Variants in UBE2E2 observed in about 807,000 individuals in gnomAD.
UBE2E2 encodes the protein ubiquitin conjugating enzyme E2 E2.
UBE2E2 carries 6 observed loss-of-function variants against 24.7 expected under a neutral mutation model. The observed-to-expected ratio is 0.24, with a 90% CI of 0.13 to 0.48. The LOEUF is 0.48. UBE2E2 is among the 20% of genes least tolerant of loss of function. The pLI, the probability that UBE2E2 is intolerant of heterozygous loss-of-function variation, is 0.99. For missense variants in UBE2E2, 169 were observed against 245.0 expected (o/e 0.69, Z 2.07); for synonymous variants, 104 against 83.6 (o/e 1.24, Z -1.33).
intron 3 of UBE2E2, among the ~76,000 whole-genome samples, chr3:23,269,242 A>G (rs1361447273): frequency 6.6e-6 from 1 of 152,240 alleles, no homozygotes. Flanking sequence ...CAGCAAAAGA[A>G]ACTACCATCA....
At chr3:23,541,567 A>G (rs974831909) in intron 5 of UBE2E2, among the ~76,000 whole-genome samples, 4 of 152,212 alleles carry the variant, frequency 2.6e-5, no homozygotes, top group African/African-American at 9.6e-5. Flanking sequence ...GTTCCTGGAA[A>G]AAATTACAAA....
intron 3 of UBE2E2, among the ~76,000 whole-genome samples, chr3:23,368,677 T>A (rs945942150): frequency 6.6e-6 from 1 of 152,220 alleles, no homozygotes; most frequent in African/African-American, 2.4e-5. Flanking sequence ...TATTTTTTCC[T>A]TTTGCTTTTT....
chr3:23,342,456 G>T (rs1033385054), intron 3 of UBE2E2, among the ~76,000 whole-genome samples: 1 of 152,032 alleles, frequency 6.6e-6, no homozygotes, highest in South Asian at 2.1e-4. Flanking sequence ...TCTTCCTTCC[G>T]CAGATAAAAA....
intron 3 of UBE2E2, among the ~76,000 whole-genome samples, chr3:23,485,005 A>T (rs1350198373): frequency 6.6e-6 from 1 of 152,014 alleles, no homozygotes; most frequent in Non-Finnish European, 1.5e-5. Context: ...TCTCAACACC[A>T]TATAGCTAGT....
chr3:23,560,607 G>GT, intron 5 of UBE2E2, among the ~76,000 whole-genome samples: 1 of 152,034 alleles, frequency 6.6e-6, no homozygotes, highest in East Asian at 1.9e-4. Context: ...GGGTCAAATG[G>GT]TATTTCTAGT....
At chr3:23,490,168 T>TA (rs1011764053) in intron 3 of UBE2E2, among the ~76,000 whole-genome samples, 2 of 152,160 alleles carry the variant, frequency 1.3e-5, no homozygotes, top group African/African-American at 2.4e-5. Context: ...TTCTGTGTTA[T>TA]AAAAAAATTG....
chr3:23,268,938 A>C (rs1575519535), intron 3 of UBE2E2, among the ~76,000 whole-genome samples: 1 of 152,282 alleles, frequency 6.6e-6, no homozygotes, highest in African/African-American at 2.4e-5. Flanking sequence ...ACCTGACAAA[A>C]ACAAGCAATG....
chr3:23,325,530 A>C (rs7610971), intron 3 of UBE2E2, among the ~76,000 whole-genome samples: 1 of 152,010 alleles, frequency 6.6e-6, no homozygotes, highest in Non-Finnish European at 1.5e-5. Context: ...ATGGGATAGC[A>C]TAAGTAATTT....
chr3:23,582,895 T>TGTG (rs1246781094), intron 5 of UBE2E2, among the ~76,000 whole-genome samples: 1 of 51,416 alleles, frequency 1.9e-5, no homozygotes, highest in African/African-American at 8.9e-5. Context: ...GTGTGTGTGT[T>TGTG]GTGTGTTTGT....
intron 3 of UBE2E2, among the ~76,000 whole-genome samples, chr3:23,444,822 G>A (rs1698390344): frequency 6.6e-6 from 1 of 152,170 alleles, no homozygotes; most frequent in African/African-American, 2.4e-5. Context: ...TATAAGATGG[G>A]TACTTTGGGC....
In UBE2E2 at chr3:23,269,871, G is replaced by GT. The variant is rs1698184627; in HGVS notation, c.227+52562dup. 2.0e-5 allele frequency among the ~76,000 whole-genome samples: 3 copies of GT among 152,286 alleles called. No homozygotes were observed. In the South Asian group the frequency reaches 6.2e-4, roughly 32 times the overall value. The stretch of plus-strand genomic sequence containing the variant: ...GAAAAAGGGGAAAAATGTTTATTCT[G>GT]TTTATAAGGGAATAACATGTTTCTC... On this transcript the variant is annotated intron_variant, in intron 3 of 5. Transcript: ENST00000396703.
At chr3:23,528,755 C>T (rs1046040844) in intron 4 of UBE2E2, among the ~76,000 whole-genome samples, 1 of 152,170 alleles carries the variant, frequency 6.6e-6, no homozygotes, top group Admixed American at 6.5e-5. Flanking sequence ...GGTTAACTGG[C>T]AGAGTGAGCA....
chr3:23,538,770 T>TA (rs958864628), intron 5 of UBE2E2, among the ~76,000 whole-genome samples: 2 of 152,102 alleles, frequency 1.3e-5, no homozygotes, highest in South Asian at 4.1e-4. Context: ...AAATTTGGTT[T>TA]AAAAAAACAA....
intron 1 of UBE2E2, among the ~76,000 whole-genome samples, chr3:23,206,546 T>A (rs1001152052): frequency 1.3e-5 from 2 of 152,124 alleles, no homozygotes; most frequent in Admixed American, 1.3e-4. Flanking sequence ...TTGGGGCAGA[T>A]CTGTTTCTGT....
chr3:23,325,434 T>G (rs1418197801), intron 3 of UBE2E2, among the ~76,000 whole-genome samples: 1 of 152,232 alleles, frequency 6.6e-6, no homozygotes, highest in Non-Finnish European at 1.5e-5. Flanking sequence ...AGCTTTTTCT[T>G]GACTAGTGAT....
chr3:23,504,563 A>T (rs1043132856), intron 4 of UBE2E2, among the ~76,000 whole-genome samples: 6 of 150,322 alleles, frequency 4.0e-5, no homozygotes, highest in Non-Finnish European at 7.4e-5. Flanking sequence ...CATCAACATG[A>T]CAGTGTAGAA....
At chr3:23,226,499 C>A (rs541770240) in intron 3 of UBE2E2, among the ~76,000 whole-genome samples, 1 of 149,016 alleles carries the variant, frequency 6.7e-6, no homozygotes, top group African/African-American at 2.5e-5. Context: ...CTGAGCCTCC[C>A]AAAGTGTTGG....
intron 3 of UBE2E2, among the ~76,000 whole-genome samples, chr3:23,409,715 T>C (rs909130819): frequency 6.6e-6 from 1 of 152,180 alleles, no homozygotes; most frequent in Non-Finnish European, 1.5e-5. Context: ...TTCCAGAGGC[T>C]AGAAGTCTGA....
chr3:23,229,894 T>C (rs1375215768), intron 3 of UBE2E2, among the ~76,000 whole-genome samples: 2 of 152,242 alleles, frequency 1.3e-5, no homozygotes, highest in African/African-American at 4.8e-5. Context: ...TTGGACAGCA[T>C]AGATCTAGAA....
Sources: gnomAD v4.1 joint callset for allele counts (sites outside exome capture counted in the v4.1 genomes callset) on GRCh38, gnomAD v4.1.1 for gene constraint, MANE v1.5 for transcripts, NCBI Gene and HGNC (gene_info 2026-07-23, HGNC 2026-07-21) for gene names.